Variants in UNC79 observed in about 807,000 individuals in gnomAD.
UNC79 encodes the protein protein unc-79 homolog.
A neutral mutation model predicts 283.1 loss-of-function variants in UNC79; 37 were observed. The observed-to-expected ratio is 0.13, with a 90% CI of 0.10 to 0.17. The LOEUF (loss-of-function observed/expected upper bound fraction) is 0.17, where lower values mean the gene tolerates loss of function less well. Among genes scored for constraint, UNC79 ranks in the 10% least tolerant of loss-of-function variants. The pLI, the probability that UNC79 is intolerant of heterozygous loss-of-function variation, is 1.00. For synonymous variants in UNC79, 1,107 were observed against 1,200.2 expected, an observed-to-expected ratio of 0.92 and a Z score of 1.61; for missense variants, 2,272 against 3,211.1, an observed-to-expected ratio of 0.71 and a Z score of 7.07.
chr14:93,679,325 G>A (rs1335336092), intron 41 of UNC79, among the ~76,000 whole-genome samples: 1 of 152,158 alleles, frequency 6.6e-6, no homozygotes, highest in Non-Finnish European at 1.5e-5. Context: ...TGGATGTGGT[G>A]GCATCTGCCT....
At chr14:93,466,886 G>A in intron 1 of UNC79, 1 of 985,416 alleles carries the variant, frequency 1.0e-6, no homozygotes. Flanking sequence ...TGTGGACAAT[G>A]CTGGTGACTC....
intron 47 of UNC79, among the ~76,000 whole-genome samples, chr14:93,698,080 A>G (rs1326049245): frequency 6.6e-6 from 1 of 152,228 alleles, no homozygotes; most frequent in Non-Finnish European, 1.5e-5. Context: ...GTTCTAATGT[A>G]TCAGAGAATA....
intron 33 of UNC79, among the ~76,000 whole-genome samples, chr14:93,642,497 T>A (rs2069147295): frequency 6.7e-6 from 1 of 149,604 alleles, no homozygotes; most frequent in African/African-American, 2.5e-5. Context: ...TAGCTGACCA[T>A]CCATTACTCA....
At chr14:93,425,332 C>T (rs1394042454) in intron 1 of UNC79, among the ~76,000 whole-genome samples, 1 of 152,186 alleles carries the variant, frequency 6.6e-6, no homozygotes. Flanking sequence ...GAATTACCTC[C>T]CACTGGATCC....
chr14:93,415,649 C>G (rs963495135), intron 1 of UNC79, among the ~76,000 whole-genome samples: 1 of 151,758 alleles, frequency 6.6e-6, no homozygotes, highest in African/African-American at 2.4e-5. Context: ...CCATCTGGTC[C>G]TGGACTCTTT....
At chr14:93,578,880 C>T (rs2063620206) in intron 18 of UNC79, among the ~76,000 whole-genome samples, 1 of 152,190 alleles carries the variant, frequency 6.6e-6, no homozygotes, top group Non-Finnish European at 1.5e-5. Context: ...TCTAGAAGCA[C>T]TCATTGCAAT....
chr14:93,616,960 CCTT>C (rs766491831), intron 27 of UNC79, among the ~76,000 whole-genome samples, 159 bp from the exon 29 acceptor site: 6 of 152,184 alleles, frequency 3.9e-5, no homozygotes, highest in Non-Finnish European at 8.8e-5. Context: ...GACTTTTCCT[CCTT>C]CTTGCGTACT....
At chr14:93,659,887 C>G (rs2140421745) in intron 39 of UNC79, among the ~76,000 whole-genome samples, 1 of 152,314 alleles carries the variant, frequency 6.6e-6, no homozygotes, top group South Asian at 2.1e-4. Flanking sequence ...GTGGTGAACT[C>G]CTTCTCATTC....
intron 20 of UNC79, 49 bp from the exon 21 acceptor site, chr14:93,586,547 G>C: frequency 6.8e-7 from 1 of 1,461,688 alleles, no homozygotes; most frequent in East Asian, 2.3e-5. Flanking sequence ...GATGAATGAT[G>C]GGGGAGAGGA....
chr14:93,624,449 T>C (rs1305551453), intron 30 of UNC79, among the ~76,000 whole-genome samples: 1 of 152,120 alleles, frequency 6.6e-6, no homozygotes, highest in Non-Finnish European at 1.5e-5. Flanking sequence ...CTAGAAATGA[T>C]AGAGGTCTAT....
chr14:93,620,796 C>T (rs2067079970), intron 29 of UNC79, 96 bp from the exon 31 acceptor site: 3 of 350,858 alleles, frequency 8.6e-6, no homozygotes, highest in Admixed American at 3.4e-5. Flanking sequence ...TAACCCAGAC[C>T]TTGTTCCATA....
chr14:93,425,825 G>GA (rs1393776670), upstream of UNC79, among the ~76,000 whole-genome samples: 3 of 152,274 alleles, frequency 2.0e-5, no homozygotes, highest in Non-Finnish European at 2.9e-5. Flanking sequence ...AAACTATAGA[G>GA]AAAAAGATTG....
At chr14:93,679,205 A>AT (rs1316569516) in intron 41 of UNC79, among the ~76,000 whole-genome samples, 3 of 152,216 alleles carry the variant, frequency 2.0e-5, no homozygotes, top group African/African-American at 7.2e-5. Context: ...TCACGCCTGT[A>AT]ATCCCAACAC....
At chr14:93,703,935 CGGA>C (rs902396599) in intron 47 of UNC79, among the ~76,000 whole-genome samples, 8 of 152,096 alleles carry the variant, frequency 5.3e-5, no homozygotes, top group Admixed American at 4.6e-4. Flanking sequence ...GACTGAAACA[CGGA>C]GGAGGGCCCA....
intron 30 of UNC79, among the ~76,000 whole-genome samples, chr14:93,625,496 C>T (rs999044628): frequency 4.6e-5 from 7 of 152,292 alleles, no homozygotes; most frequent in East Asian, 1.9e-4. Flanking sequence ...TCTTCTCCAG[C>T]GATTGTTTTT....
chr14:93,387,321 G>A (rs2054798300), intron 1 of UNC79, among the ~76,000 whole-genome samples: 1 of 151,846 alleles, frequency 6.6e-6, no homozygotes, highest in Non-Finnish European at 1.5e-5. Context: ...TCTTTAAGGT[G>A]TATCATTAGG....
At chr14:93,615,741 A>G (rs866963648) in intron 27 of UNC79, among the ~76,000 whole-genome samples, 23 of 142,870 alleles carry the variant, frequency 1.6e-4, no homozygotes, top group South Asian at 4.2e-4. Context: ...AAAAAAAAAA[A>G]AAAAGAAAAG....
chr14:93,679,714 A>C (rs1273419969), intron 41 of UNC79, among the ~76,000 whole-genome samples: 6 of 152,288 alleles, frequency 3.9e-5, no homozygotes, highest in African/African-American at 1.4e-4. Flanking sequence ...AGAGGTGAAG[A>C]CATTATTTTG....
At chr14:93,507,794 A>G (rs898044710) in intron 7 of UNC79, among the ~76,000 whole-genome samples, 6 of 152,134 alleles carry the variant, frequency 3.9e-5, no homozygotes, top group Non-Finnish European at 7.4e-5. Flanking sequence ...GCCTTCTCCA[A>G]GACTGTGAAG....
Sources: gnomAD v4.1 joint callset for allele counts (sites outside exome capture counted in the v4.1 genomes callset) on GRCh38, gnomAD v4.1.1 for gene constraint, MANE v1.5 for transcripts, NCBI Gene and HGNC (gene_info 2026-07-23, HGNC 2026-07-21) for gene names.